Variants in PLEKHA3 observed in about 807,000 individuals in gnomAD.
PLEKHA3 encodes the protein pleckstrin homology domain containing A3.
In PLEKHA3, 19 loss-of-function variants were observed where a neutral mutation model predicts 39.2. The ratio of observed to expected loss-of-function variants is 0.48; its 90% CI spans 0.34 to 0.71. The LOEUF (loss-of-function observed/expected upper bound fraction) is 0.71, where lower values mean the gene tolerates loss of function less well. Among genes scored for constraint, PLEKHA3 ranks in the 30% least tolerant of loss-of-function variants. The pLI, the probability that PLEKHA3 is intolerant of heterozygous loss-of-function variation, is 0.01. For synonymous variants in PLEKHA3, 97 were observed against 118.6 expected, an observed-to-expected ratio of 0.82 and a Z score of 1.18; for missense variants, 253 against 359.5, an observed-to-expected ratio of 0.70 and a Z score of 2.40.
At chr2:178,488,120 A>G (rs193294485) in intron 2 of PLEKHA3, among the ~76,000 whole-genome samples, 13 of 150,450 alleles carry the variant, frequency 8.6e-5, no homozygotes, top group Non-Finnish European at 1.5e-4. Context: ...ACAAAAAGGA[A>G]AAAAAAAAAG....
At chr2:178,487,095 TA>T (rs1685262445) in intron 2 of PLEKHA3, among the ~76,000 whole-genome samples, 1 of 152,158 alleles carries the variant, frequency 6.6e-6, no homozygotes, top group East Asian at 1.9e-4. Context: ...GGAGCAGGGT[TA>T]GGGGGAGACA....
chr2:178,495,475 A>G (rs1685426993), intron 4 of PLEKHA3, 21 bp from the exon 5 acceptor site: 1 of 1,613,214 alleles, frequency 6.2e-7, no homozygotes, highest in East Asian at 2.2e-5. Flanking sequence ...AATCTGTTCA[A>G]GTCTTTGTGT....
In PLEKHA3 at chr2:178,503,396, T is replaced by C. The variant is rs115658067; in HGVS notation, c.776-364T>C. ...TTTCTTTGCCTAGGAACAAGGAGGA[T>C]ATTAACAGCATTAAAATAGGCTGAA... On this transcript the variant is annotated intron_variant, in intron 7 of 7. Coordinates refer to ENST00000234453, the MANE Select transcript of PLEKHA3 (RefSeq NM_019091.4). Among the ~76,000 whole-genome samples, 819 of 152,102 alleles carry C rather than the reference T, an allele frequency of 5.4e-3. 5 individuals are homozygous for C. Among genetic ancestry groups the C allele is most frequent in the African/African-American group, 0.019 (776 of 41,564 alleles).
intron 5 of PLEKHA3, among the ~76,000 whole-genome samples, chr2:178,497,509 C>T (rs149583371): frequency 9.8e-5 from 15 of 152,304 alleles, no homozygotes; most frequent in Non-Finnish European, 1.9e-4. Context: ...GGATTACAGG[C>T]GTGAGACACT....
Position 178,509,644 on chromosome 2 carries a change from AT to A in PLEKHA3, c.*5762del, listed in dbSNP as rs905567450. On this transcript the variant is annotated 3_prime_UTR_variant, in exon 8 of 8. Coordinates refer to ENST00000234453, the MANE Select transcript of PLEKHA3 (RefSeq NM_019091.4). ...AGGCATGCACCACTACTCCTGGCTA[AT>A]TTTTGTATTTTTTTGTAGCAGCAGG... The A allele has an allele frequency of 2.0e-5, 3 of 151,842 alleles. No homozygotes were observed. Among genetic ancestry groups the A allele is most frequent in the African/African-American group, 7.3e-5 (3 of 41,258 alleles). The allele number at this position is 151,842 out of a possible 1,614,324, so 9.4% of individuals were successfully genotyped here. A position where few individuals can be genotyped will look rare whatever the true frequency, so the allele number is the denominator to read the frequency against.
At chr2:178,501,263 G>T in intron 7 of PLEKHA3, 87 bp downstream of exon 7, 1 of 908,614 alleles carries the variant, frequency 1.1e-6, no homozygotes, top group South Asian at 1.5e-5. Context: ...GAAGTATACT[G>T]ACTGAACATT....
At chr2:178,497,569 G>T (rs1042801026) in intron 5 of PLEKHA3, among the ~76,000 whole-genome samples, 3 of 152,192 alleles carry the variant, frequency 2.0e-5, no homozygotes, top group Non-Finnish European at 2.9e-5. Flanking sequence ...CAGGACTGTG[G>T]TGTGGTGTTG....
chr2:178,501,196 T>G lies in PLEKHA3; in HGVS notation c.775+20T>G. 6.3e-7 allele frequency: 1 copy of G among 1,581,720 alleles called. No individual in the cohort carries two copies. The highest frequency in any genetic ancestry group is 8.7e-7 in the Non-Finnish European group (1 of 1,154,956). The stretch of plus-strand genomic sequence containing the variant: ...CAGATAGTAAGTGACATAGATTCTG[T>G]CTCTTTCTTTGGCATATTCAGCAAA... On this transcript the variant is annotated intron_variant, in intron 7 of 7. Coordinates refer to ENST00000234453, the MANE Select transcript of PLEKHA3 (RefSeq NM_019091.4).
Position 178,510,432 on chromosome 2 carries a change from T to A in PLEKHA3, c.*6545T>A, listed in dbSNP as rs980636908. On this transcript the variant is annotated 3_prime_UTR_variant, in exon 8 of 8. Transcript: ENST00000234453. ...CCTACCGCCAGTAGATGTAATACTC[T>A]TAATACATGGAGTACAGAAATAGTA... 1 of 153,790 alleles carries A rather than the reference T, an allele frequency of 6.5e-6. No individual in the cohort carries two copies. The highest frequency in any genetic ancestry group is 1.5e-5 in the Non-Finnish European group (1 of 68,048). The allele number at this position is 153,790 out of a possible 1,614,324, so 9.5% of individuals were successfully genotyped here.
chr2:178,493,594 A>G (rs1189120160), intron 3 of PLEKHA3, among the ~76,000 whole-genome samples: 1 of 152,222 alleles, frequency 6.6e-6, no homozygotes, highest in Non-Finnish European at 1.5e-5. Flanking sequence ...GAATGGAAAT[A>G]TCCTGTATAA....
intron 4 of PLEKHA3, among the ~76,000 whole-genome samples, 195 bp downstream of exon 4, chr2:178,494,184 G>A (rs1685402653): frequency 6.6e-6 from 1 of 152,200 alleles, no homozygotes. Flanking sequence ...AGAACATGAA[G>A]TAGCATATTT....
At chr2:178,493,750 A>C in intron 3 of PLEKHA3, 103 bp from the exon 4 acceptor site, 1 of 979,924 alleles carries the variant, frequency 1.0e-6, no homozygotes, top group Non-Finnish European at 1.5e-6. Context: ...TTCTTGAGCT[A>C]TAGGTATTTA....
At chr2:178,502,371 G>T (rs1050565656) in intron 7 of PLEKHA3, 2 of 428,830 alleles carry the variant, frequency 4.7e-6, no homozygotes, top group South Asian at 1.7e-5. Context: ...AAACCGGGAA[G>T]GGGAAGGGAG....
At position 178,513,368 on chromosome 2, in the gene PLEKHA3, TTGAG is replaced by T. The variant is rs1244490344; in HGVS notation, c.*9483_*9486del. ...AAGGAGCTGGCTTTATGACCTTTAC[TTGAG>T]TATTTTTTTGTGTGTGACAGTTGAA... On this transcript the variant is annotated 3_prime_UTR_variant, in exon 8 of 8. Transcript: ENST00000234453. 1.3e-5 allele frequency: 2 copies of T among 152,216 alleles called. No homozygotes were observed. The highest frequency in any genetic ancestry group is 6.5e-5 in the Admixed American group (1 of 15,278). The allele number at this position is 152,216 out of a possible 1,614,324, so 9.4% of individuals were successfully genotyped here. A position where few individuals can be genotyped will look rare whatever the true frequency, so the allele number is the denominator to read the frequency against.
chr2:178,501,208 G>T (rs374832248), intron 7 of PLEKHA3, 32 bp downstream of exon 7: 18 of 1,512,298 alleles, frequency 1.2e-5, no homozygotes, highest in African/African-American at 1.1e-4. Context: ...TCTTTCTTTG[G>T]CATATTCAGC....
intron 3 of PLEKHA3, among the ~76,000 whole-genome samples, chr2:178,491,993 T>C (rs933035941): frequency 6.6e-6 from 1 of 152,148 alleles, no homozygotes; most frequent in Non-Finnish European, 1.5e-5. Context: ...ACCTAATCAC[T>C]TGTTAAAAGT....
At position 178,485,648 on chromosome 2, in the gene PLEKHA3, G is replaced by A; in HGVS notation, c.48G>A (p.Gln16=). ...YKWTNYLTGW[Q]PRWFVLDNGI... Reference sequence around the variant, plus strand: ...TATTTATGGTCTTTTTAGGCTGGCAGCCTCGTTGGTTTGTTTTAGATAATG... The same window carrying A: ...TATTTATGGTCTTTTTAGGCTGGCAACCTCGTTGGTTTGTTTTAGATAATG... Residue 16 remains glutamine (Q), a synonymous_variant, in exon 2 of 8, where the codon CAG becomes CAA. Coordinates refer to ENST00000234453, the MANE Select transcript of PLEKHA3 (RefSeq NM_019091.4). 2 of 1,609,262 alleles carry A rather than the reference G, an allele frequency of 1.2e-6. No homozygotes were observed. Among genetic ancestry groups the A allele is most frequent in the Non-Finnish European group, 1.7e-6 (2 of 1,176,470 alleles).
chr2:178,512,099 A>G lies in PLEKHA3; in HGVS notation c.*8212A>G, dbSNP rs1055790079. On this transcript the variant is annotated 3_prime_UTR_variant, in exon 8 of 8. Coordinates refer to ENST00000234453, the MANE Select transcript of PLEKHA3 (RefSeq NM_019091.4). ...GGATTAACTCATGAGACTGATTAGA[A>G]TGATGAATATCTTATTGTATCCTGA... 1.3e-5 allele frequency: 2 copies of G among 152,232 alleles called. No homozygotes were observed. The highest frequency in any genetic ancestry group is 4.8e-5 in the African/African-American group (2 of 41,462). The allele number at this position is 152,232 out of a possible 1,614,324, so 9.4% of individuals were successfully genotyped here.
At chr2:178,491,924 C>T (rs537839780) in intron 3 of PLEKHA3, among the ~76,000 whole-genome samples, 194 of 152,158 alleles carry the variant, frequency 1.3e-3, no homozygotes, top group African/African-American at 4.3e-3. Context: ...TATAACAACC[C>T]GCTCTCATAG....
Sources: allele counts gnomAD v4.1 joint callset (sites outside exome capture counted in the v4.1 genomes callset), GRCh38; gene constraint gnomAD v4.1.1; transcripts MANE v1.5; gene names NCBI Gene and HGNC (gene_info 2026-07-23, HGNC 2026-07-21).